Variants in RBM17 observed in about 807,000 individuals in gnomAD.
RBM17 encodes RNA binding motif protein 17.
In RBM17, 7 loss-of-function variants were observed where a neutral mutation model predicts 53.2. The ratio of observed to expected loss-of-function variants is 0.13; its 90% CI spans 0.07 to 0.25. The LOEUF (loss-of-function observed/expected upper bound fraction) is 0.25. Among genes scored for constraint, RBM17 ranks in the 10% least tolerant of loss-of-function variants. RBM17 has a pLI of 1.00. For missense variants in RBM17, 257 were observed against 496.7 expected (o/e 0.52, Z 4.59); for synonymous variants, 167 against 178.1 (o/e 0.94, Z 0.50).
At chr10:6,109,831 C>T (rs1840810841) in intron 6 of RBM17, among the ~76,000 whole-genome samples, 155 bp from the exon 7 acceptor site, 1 of 152,082 alleles carries the variant, frequency 6.6e-6, no homozygotes, top group African/African-American at 2.4e-5. Context: ...TAAAAAAAGT[C>T]GTATAAAGGC....
chr10:6,091,152 A>G (rs1030912771), intron 1 of RBM17, among the ~76,000 whole-genome samples: 1 of 151,606 alleles, frequency 6.6e-6, no homozygotes, highest in African/African-American at 2.4e-5. Context: ...TCCACTTCCC[A>G]GGTTCAAATG....
At chr10:6,090,211 G>A (rs1016242134) in intron 1 of RBM17, among the ~76,000 whole-genome samples, 2 of 152,094 alleles carry the variant, frequency 1.3e-5, no homozygotes, top group Admixed American at 6.5e-5. Flanking sequence ...CATATGGATG[G>A]GAAATAGGAT....
chr10:6,095,008 T>G (rs1840551079), intron 1 of RBM17, among the ~76,000 whole-genome samples: 1 of 152,194 alleles, frequency 6.6e-6, no homozygotes, highest in African/African-American at 2.4e-5. Flanking sequence ...GAAGTGGACA[T>G]CAGGGGATTC....
rs1203956725 is a variant in RBM17, at chr10:6,116,797, G to C, written c.*1241G>C. The C allele has an allele frequency of 2.0e-5, 3 of 152,228 alleles. No individual in the cohort carries two copies. The highest frequency in any genetic ancestry group is 7.2e-5 in the African/African-American group (3 of 41,430). The allele number at this position is 152,228 out of a possible 1,614,324, so 9.4% of individuals were successfully genotyped here. A position where few individuals can be genotyped will look rare whatever the true frequency, so the allele number is the denominator to read the frequency against. On this transcript the variant is annotated 3_prime_UTR_variant, in exon 12 of 12. Coordinates refer to ENST00000379888, the MANE Select transcript of RBM17 (RefSeq NM_032905.5). ...CCTTTTTAAAAAAGGATTTTCTCAT[G>C]TTTTTATTTAACATAAATAAAAGAA...
Position 6,115,318 on chromosome 10 carries a change from G to T in RBM17, c.1102+7G>T. 6.2e-7 allele frequency: 1 copy of T among 1,603,626 alleles called. No homozygotes were observed. The highest frequency in any genetic ancestry group is 8.5e-7 in the Non-Finnish European group (1 of 1,171,044). On this transcript the variant is annotated splice_region_variant and intron_variant, in intron 11 of 11. Transcript: ENST00000379888. ...GTTGAATCAGCAATTAAAGGTTAGT[G>T]GTACAGCTAAATATTAAAGAATAAA...
At chr10:6,096,907 A>G (rs1338107547) in intron 1 of RBM17, 141 bp from the exon 2 acceptor site, 3 of 624,550 alleles carry the variant, frequency 4.8e-6, no homozygotes, top group South Asian at 4.1e-5. Context: ...ATAGCCCTAC[A>G]TTAATGGTAC....
chr10:6,113,984 A>T (rs1840876436), intron 9 of RBM17, 65 bp from the exon 10 acceptor site: 3 of 1,024,046 alleles, frequency 2.9e-6, no homozygotes, highest in Non-Finnish European at 4.5e-6. Context: ...TCATATTTAT[A>T]TACCTCTGCT....
chr10:6,092,835 G>A (rs945810131), intron 1 of RBM17, among the ~76,000 whole-genome samples: 2 of 152,182 alleles, frequency 1.3e-5, no homozygotes, highest in Admixed American at 6.5e-5. Flanking sequence ...TATTTAAAGC[G>A]TTTTGCAGGT....
chr10:6,115,565 A>G lies in RBM17; in HGVS notation c.*9A>G. The G allele has an allele frequency of 6.5e-7, 1 of 1,528,970 alleles. No individual in the cohort carries two copies. The highest frequency in any genetic ancestry group is 1.1e-5 in the South Asian group (1 of 89,408). The allele number at this position is 1,528,970 out of a possible 1,614,324, so 94.7% of individuals were successfully genotyped here. ...TGGCAGAACAAGTTTGATTTTAAGA[A>G]CTAGAGCACGAGTCATCTCCGGTGA... On this transcript the variant is annotated 3_prime_UTR_variant, in exon 12 of 12. Coordinates refer to ENST00000379888, the MANE Select transcript of RBM17 (RefSeq NM_032905.5).
At chr10:6,111,614 A>G (rs1404876802) in intron 7 of RBM17, among the ~76,000 whole-genome samples, 1 of 152,230 alleles carries the variant, frequency 6.6e-6, no homozygotes, top group Non-Finnish European at 1.5e-5. Context: ...TGCTGGGATT[A>G]TAAGTGTGAT....
intron 1 of RBM17, among the ~76,000 whole-genome samples, chr10:6,091,854 G>A (rs531788942): frequency 7.1e-6 from 1 of 140,366 alleles, no homozygotes; most frequent in East Asian, 2.3e-4. Context: ...AACCAGTTGG[G>A]GGGGGTTAGT....
At chr10:6,107,466 C>T (rs1164319598) in intron 5 of RBM17, among the ~76,000 whole-genome samples, 1 of 139,358 alleles carries the variant, frequency 7.2e-6, no homozygotes, top group Non-Finnish European at 1.5e-5. Context: ...GTATGAGCCA[C>T]TGCACCCGGC....
chr10:6,103,990 C>T (rs1840707872), intron 3 of RBM17, among the ~76,000 whole-genome samples: 1 of 152,158 alleles, frequency 6.6e-6, no homozygotes, highest in Non-Finnish European at 1.5e-5. Flanking sequence ...GACACTAATC[C>T]TAACCTGTGC....
Position 6,112,028 on chromosome 10 carries a change from T to G in RBM17, c.705-182T>G, listed in dbSNP as rs1840845975. Among the ~76,000 whole-genome samples, 1 of 152,090 alleles carries G rather than the reference T, an allele frequency of 6.6e-6. No homozygotes were observed. The highest frequency in any genetic ancestry group is 2.1e-4 in the South Asian group (1 of 4,818). On this transcript the variant is annotated intron_variant, in intron 7 of 11. Transcript: ENST00000379888. This position sits in a 1 kb window ranked among gnomAD's most constrained non-coding sequence, Gnocchi z 4.4. The stretch of plus-strand genomic sequence containing the variant: ...TTTATTCATAGCTTTTTCTATTTCT[T>G]TCATGCTGCACATCCCCACAGCTTC...
chr10:6,091,697 C>G (rs1840488062), intron 1 of RBM17, among the ~76,000 whole-genome samples: 1 of 152,158 alleles, frequency 6.6e-6, no homozygotes, highest in Non-Finnish European at 1.5e-5. Flanking sequence ...TAACAATGTT[C>G]AAGCATGGTG....
chr10:6,100,255 G>C (rs529608750), intron 2 of RBM17, among the ~76,000 whole-genome samples: 1 of 152,242 alleles, frequency 6.6e-6, no homozygotes, highest in South Asian at 2.1e-4. Flanking sequence ...TTGCAAAAGA[G>C]AAAAATTAAA....
chr10:6,114,320 CAAT>C (rs1840883092), intron 10 of RBM17, 173 bp downstream of exon 10: 3 of 477,924 alleles, frequency 6.3e-6, no homozygotes, highest in Non-Finnish European at 1.1e-5. Flanking sequence ...AACATAAAGA[CAAT>C]GATTTCAAGT....
intron 2 of RBM17, among the ~76,000 whole-genome samples, chr10:6,097,480 C>T (rs76488762): frequency 0.013 from 1,953 of 152,288 alleles, 99 homozygotes; most frequent in East Asian, 0.086. Flanking sequence ...AGGCAGATCA[C>T]GAGGTCAGGA....
At position 6,112,020 on chromosome 10, in the gene RBM17, C is replaced by A. The variant is rs1338290874; in HGVS notation, c.705-190C>A. Among the ~76,000 whole-genome samples, 1 of 152,124 alleles carries A rather than the reference C, an allele frequency of 6.6e-6. No homozygotes were observed. Among genetic ancestry groups the A allele is most frequent in the Non-Finnish European group, 1.5e-5 (1 of 68,014 alleles). On this transcript the variant is annotated intron_variant, in intron 7 of 11. Transcript: ENST00000379888. The surrounding 1 kb of genome is among the most constrained non-coding windows in gnomAD (Gnocchi z 4.4). ...TTCTGGATTTTATTCATAGCTTTTT[C>A]TATTTCTTTCATGCTGCACATCCCC...
Sources: allele counts gnomAD v4.1 joint callset (sites outside exome capture counted in the v4.1 genomes callset), GRCh38; gene constraint gnomAD v4.1.1; non-coding constraint Gnocchi (gnomAD v3.1); transcripts MANE v1.5; gene names NCBI Gene and HGNC (gene_info 2026-07-23, HGNC 2026-07-21).